Variants in CNTNAP5 observed in about 807,000 individuals in gnomAD.
CNTNAP5 encodes the protein contactin associated protein family member 5.
A neutral mutation model predicts 150.2 loss-of-function variants in CNTNAP5; 72 were observed. That is an observed-to-expected ratio of 0.48 (90% CI 0.40 to 0.58). CNTNAP5 has a LOEUF of 0.58. CNTNAP5 is among the 20% of genes least tolerant of loss of function. CNTNAP5 has a pLI of 0.00. For missense variants in CNTNAP5, 1,636 were observed against 1,626.2 expected, an observed-to-expected ratio of 1.01 and a Z score of -0.10; for synonymous variants, 672 against 619.8, an observed-to-expected ratio of 1.08 and a Z score of -1.25.
At chr2:124,554,437 T>TTC (rs1273754132) in intron 10 of CNTNAP5, among the ~76,000 whole-genome samples, 5 of 151,388 alleles carry the variant, frequency 3.3e-5, no homozygotes, top group Admixed American at 6.6e-5. Context: ...TTTTTTTTTT[T>TTC]TGAGACAGGG....
At chr2:124,847,595 T>G (rs1201400809) in intron 19 of CNTNAP5, among the ~76,000 whole-genome samples, 1 of 152,182 alleles carries the variant, frequency 6.6e-6, no homozygotes, top group Non-Finnish European at 1.5e-5. Flanking sequence ...TCAGGGACCC[T>G]GCAGTGGTGA....
At chr2:124,090,361 C>G (rs1682786004) in intron 1 of CNTNAP5, among the ~76,000 whole-genome samples, 1 of 152,150 alleles carries the variant, frequency 6.6e-6, no homozygotes, top group Admixed American at 6.5e-5. Context: ...TTGCAAAGCA[C>G]TTCCTGAGGG....
At chr2:124,056,657 G>GAAC (rs957805293) in intron 1 of CNTNAP5, among the ~76,000 whole-genome samples, 8 of 151,762 alleles carry the variant, frequency 5.3e-5, no homozygotes, top group South Asian at 4.2e-4. Context: ...AAAACAACAA[G>GAAC]AACAACAACA....
At chr2:124,056,260 A>G (rs1008298569) in intron 1 of CNTNAP5, among the ~76,000 whole-genome samples, 2 of 152,162 alleles carry the variant, frequency 1.3e-5, no homozygotes, top group South Asian at 2.1e-4. Context: ...GAAATTGACC[A>G]TCTCCTCTCA....
At chr2:124,338,339 C>T (rs954898969) in intron 3 of CNTNAP5, among the ~76,000 whole-genome samples, 1 of 152,138 alleles carries the variant, frequency 6.6e-6, no homozygotes, top group African/African-American at 2.4e-5. Context: ...TCCTCTTTTC[C>T]TAATCGAATA....
intron 3 of CNTNAP5, among the ~76,000 whole-genome samples, chr2:124,263,445 T>C (rs910923915): frequency 1.3e-5 from 2 of 152,230 alleles, no homozygotes; most frequent in African/African-American, 4.8e-5. Flanking sequence ...CATAAAGACG[T>C]CTTCTTTTGA....
chr2:124,711,861 T>A (rs1212478722), intron 13 of CNTNAP5, among the ~76,000 whole-genome samples: 2 of 151,960 alleles, frequency 1.3e-5, no homozygotes, highest in African/African-American at 4.8e-5. Context: ...ATAACAATAA[T>A]TTATATTTGG....
At chr2:124,093,411 TCTTGA>T (rs1166817051) in intron 1 of CNTNAP5, among the ~76,000 whole-genome samples, 1 of 152,208 alleles carries the variant, frequency 6.6e-6, no homozygotes, top group Non-Finnish European at 1.5e-5. Context: ...GCCTGTAGAT[TCTTGA>T]CTTGCATTTT....
At chr2:124,361,701 G>A (rs1332620534) in intron 3 of CNTNAP5, among the ~76,000 whole-genome samples, 1 of 149,354 alleles carries the variant, frequency 6.7e-6, no homozygotes, top group South Asian at 2.1e-4. Flanking sequence ...GAGAACCACT[G>A]CTCTCTTCAA....
At chr2:124,886,813 C>T (rs1391122064) in intron 21 of CNTNAP5, among the ~76,000 whole-genome samples, 1 of 152,022 alleles carries the variant, frequency 6.6e-6, no homozygotes, top group African/African-American at 2.4e-5. Context: ...TAGTTCCTTA[C>T]CTTTATAACT....
chr2:124,526,055 A>G (rs1185743103), intron 9 of CNTNAP5, among the ~76,000 whole-genome samples: 5 of 152,304 alleles, frequency 3.3e-5, no homozygotes, highest in East Asian at 1.9e-4. Flanking sequence ...AAAAAACGCT[A>G]TCTTGCATTT....
chr2:124,511,784 C>A (rs999315010), intron 8 of CNTNAP5, among the ~76,000 whole-genome samples: 1 of 152,178 alleles, frequency 6.6e-6, no homozygotes, highest in African/African-American at 2.4e-5. Flanking sequence ...CTCTGGTGCA[C>A]TTTGTGGAGT....
intron 1 of CNTNAP5, among the ~76,000 whole-genome samples, chr2:124,184,854 G>C (rs947243166): frequency 1.3e-5 from 2 of 152,150 alleles, no homozygotes; most frequent in Non-Finnish European, 2.9e-5. Context: ...CTGGGAAGAA[G>C]ATGGCATGTG....
rs539093287 is a variant in CNTNAP5, at chr2:124,918,527, T to C, written c.*4239T>C. Reference sequence around the variant, plus strand: ...CTGGGAGGGTGCAAGCACAGCCAACTTATCCAGTCCAAGATATCCAGGGAG... The same window carrying C: ...CTGGGAGGGTGCAAGCACAGCCAACCTATCCAGTCCAAGATATCCAGGGAG... On this transcript the variant is annotated 3_prime_UTR_variant, in exon 24 of 24. Transcript: ENST00000682447. Among the ~76,000 whole-genome samples the C allele has an allele frequency of 6.6e-6, 1 of 152,230 alleles. No individual in the cohort carries two copies. Among genetic ancestry groups the C allele is most frequent in the African/African-American group, 2.4e-5 (1 of 41,564 alleles).
intron 7 of CNTNAP5, among the ~76,000 whole-genome samples, chr2:124,486,092 T>C (rs1294486380): frequency 6.6e-6 from 1 of 152,064 alleles, no homozygotes; most frequent in Non-Finnish European, 1.5e-5. Context: ...GAAAATGTGG[T>C]ATATATGAAC....
chr2:124,627,109 G>A (rs979907242), intron 12 of CNTNAP5, among the ~76,000 whole-genome samples: 11 of 152,168 alleles, frequency 7.2e-5, no homozygotes, highest in African/African-American at 1.9e-4. Context: ...CATCTGCGGG[G>A]AGGGGAAGCC....
At chr2:124,595,181 A>T (rs1459832410) in intron 11 of CNTNAP5, among the ~76,000 whole-genome samples, 2 of 144,726 alleles carry the variant, frequency 1.4e-5, no homozygotes, top group Non-Finnish European at 3.0e-5. Flanking sequence ...TATGTTGAAT[A>T]GGAGCGGTGA....
chr2:124,912,302 T>G (rs1678673062), intron 23 of CNTNAP5, among the ~76,000 whole-genome samples: 1 of 152,084 alleles, frequency 6.6e-6, no homozygotes. Flanking sequence ...GATGAACTGA[T>G]CCTTGGCAGA....
chr2:124,880,018 C>T (rs941957233), intron 21 of CNTNAP5, among the ~76,000 whole-genome samples: 2 of 152,116 alleles, frequency 1.3e-5, no homozygotes, highest in African/African-American at 4.8e-5. Context: ...GGTGCTTTCC[C>T]ACACAGAAGG....
Sources: gnomAD v4.1 joint callset for allele counts (sites outside exome capture counted in the v4.1 genomes callset) on GRCh38, gnomAD v4.1.1 for gene constraint, MANE v1.5 for transcripts, NCBI Gene and HGNC (gene_info 2026-07-23, HGNC 2026-07-21) for gene names.